ANO4: variants seen among roughly 807,000 people sequenced by gnomAD.
The protein encoded by ANO4 is anoctamin-4.
Under a neutral mutation model 141.9 loss-of-function variants are expected in ANO4, and 69 were observed. The ratio of observed to expected loss-of-function variants is 0.49; its 90% CI spans 0.40 to 0.59. The LOEUF is 0.59. Ranked by LOEUF, ANO4 falls within the 20% of genes least tolerant of loss-of-function variation. The pLI is 0.00. For synonymous variants in ANO4, 350 were observed against 394.3 expected (o/e 0.89, Z 1.33); for missense variants, 894 against 1,162.2 (o/e 0.77, Z 3.36).
At chr12:100,941,356 A>G (rs528180570) in intron 4 of ANO4, among the ~76,000 whole-genome samples, 39 of 152,294 alleles carry the variant, frequency 2.6e-4, no homozygotes, top group African/African-American at 9.4e-4. Context: ...AGACAGTTTT[A>G]CCACATAGAT....
chr12:100,836,383 G>T (rs1414941725), intron 1 of ANO4, among the ~76,000 whole-genome samples: 1 of 151,974 alleles, frequency 6.6e-6, no homozygotes, highest in Non-Finnish European at 1.5e-5. Flanking sequence ...GGGTACATGT[G>T]CACAACATGC....
chr12:100,987,955 A>G (rs771917055), intron 8 of ANO4, among the ~76,000 whole-genome samples: 2 of 152,198 alleles, frequency 1.3e-5, no homozygotes, highest in Non-Finnish European at 2.9e-5. Flanking sequence ...AGGCTCTGTC[A>G]TTCTCATTGC....
At chr12:100,841,788 G>T (rs372256627) in intron 1 of ANO4, among the ~76,000 whole-genome samples, 1 of 152,150 alleles carries the variant, frequency 6.6e-6, no homozygotes, top group East Asian at 1.9e-4. Context: ...GGGCCTGAAG[G>T]ATGAACTCAT....
intron 14 of ANO4, among the ~76,000 whole-genome samples, chr12:101,052,896 G>A (rs1281827358): frequency 6.6e-6 from 1 of 152,204 alleles, no homozygotes; most frequent in East Asian, 1.9e-4. Flanking sequence ...GAGGCTCAGA[G>A]AGGTTATGCA....
intron 1 of ANO4, among the ~76,000 whole-genome samples, chr12:100,828,461 G>A (rs1309696320): frequency 6.6e-6 from 1 of 151,988 alleles, no homozygotes; most frequent in Admixed American, 6.6e-5. Flanking sequence ...CAGTGATTCT[G>A]TCTGTGGGTG....
intron 1 of ANO4, among the ~76,000 whole-genome samples, chr12:100,802,811 C>T (rs757644960): frequency 2.0e-5 from 3 of 152,112 alleles, no homozygotes; most frequent in Admixed American, 1.3e-4. Context: ...AATGCTTTGG[C>T]TGCTATTATC....
intron 22 of ANO4, among the ~76,000 whole-genome samples, chr12:101,108,327 C>G (rs992686440): frequency 5.3e-5 from 8 of 152,116 alleles, no homozygotes; most frequent in African/African-American, 1.9e-4. Flanking sequence ...CAGGGGACAC[C>G]TGGAGGTGGC....
chr12:101,029,155 T>C (rs1371080135), intron 9 of ANO4, among the ~76,000 whole-genome samples: 1 of 152,216 alleles, frequency 6.6e-6, no homozygotes, highest in East Asian at 1.9e-4. Flanking sequence ...ACCCCCACGC[T>C]GGCCTTGCAA....
chr12:100,822,354 C>T (rs1253959519), intron 1 of ANO4, among the ~76,000 whole-genome samples: 5 of 151,956 alleles, frequency 3.3e-5, no homozygotes, highest in Non-Finnish European at 5.9e-5. Context: ...AGTCCCAACT[C>T]GAGTCTAACT....
chr12:101,018,306 A>T (rs1158238575), intron 8 of ANO4, among the ~76,000 whole-genome samples: 2 of 152,230 alleles, frequency 1.3e-5, no homozygotes, highest in Non-Finnish European at 2.9e-5. Context: ...GATAAATGTC[A>T]GATAAATGCT....
At chr12:101,085,098 C>T (rs1285393207) in intron 16 of ANO4, among the ~76,000 whole-genome samples, 1 of 152,194 alleles carries the variant, frequency 6.6e-6, no homozygotes, top group Non-Finnish European at 1.5e-5. Context: ...TAGAACATAT[C>T]TCCCTTAAAA....
At chr12:100,945,099 A>G (rs2042672175) in intron 5 of ANO4, among the ~76,000 whole-genome samples, 1 of 152,306 alleles carries the variant, frequency 6.6e-6, no homozygotes, top group African/African-American at 2.4e-5. Context: ...CACTATGCAC[A>G]TTTTATGAAT....
intron 3 of ANO4, among the ~76,000 whole-genome samples, chr12:100,789,164 C>T (rs1467978695): frequency 1.3e-5 from 2 of 152,194 alleles, no homozygotes; most frequent in South Asian, 2.1e-4. Flanking sequence ...AATATATATA[C>T]CCCATCTCAT....
At chr12:100,785,898 A>C (rs1032268043) in intron 3 of ANO4, among the ~76,000 whole-genome samples, 2 of 152,224 alleles carry the variant, frequency 1.3e-5, no homozygotes, top group African/African-American at 4.8e-5. Context: ...GACTTCTTAA[A>C]AATTTATAAA....
chr12:101,046,680 G>A (rs371048979), intron 13 of ANO4, among the ~76,000 whole-genome samples: 21 of 152,222 alleles, frequency 1.4e-4, no homozygotes, highest in South Asian at 4.2e-4. Flanking sequence ...ATTGGGAACC[G>A]GAGCCCCTAT....
At chr12:100,888,710 G>A (rs988640736) in intron 1 of ANO4, among the ~76,000 whole-genome samples, 1 of 152,182 alleles carries the variant, frequency 6.6e-6, no homozygotes, top group Admixed American at 6.5e-5. Flanking sequence ...ATTTGAAGTA[G>A]GTGGAGGCCC....
chr12:100,945,752 T>G (rs945878811), intron 5 of ANO4, among the ~76,000 whole-genome samples: 10 of 152,180 alleles, frequency 6.6e-5, no homozygotes, highest in African/African-American at 2.4e-4. Flanking sequence ...ATGTGAAACA[T>G]TGGGGAAGAC....
intron 1 of ANO4, among the ~76,000 whole-genome samples, chr12:100,838,204 T>C (rs903231569): frequency 7.0e-5 from 9 of 129,386 alleles, no homozygotes; most frequent in Admixed American, 9.8e-5. Context: ...CACTCCAGCC[T>C]GGATGACAGA....
At chr12:100,990,185 G>A (rs112289086) in intron 8 of ANO4, among the ~76,000 whole-genome samples, 3,930 of 152,220 alleles carry the variant, frequency 0.026, 76 homozygotes, top group Non-Finnish European at 0.039. Context: ...AAAAATGAAT[G>A]AATATATGGA....
Sources: gnomAD v4.1 joint callset for allele counts (sites outside exome capture counted in the v4.1 genomes callset) on GRCh38, gnomAD v4.1.1 for gene constraint, MANE v1.5 for transcripts, NCBI Gene and HGNC (gene_info 2026-07-23, HGNC 2026-07-21) for gene names.